Variants in RSF1 observed in about 807,000 individuals in gnomAD.
RSF1 encodes the protein HBV pX-associated protein 8.
RSF1 carries 13 observed loss-of-function variants against 145.2 expected under a neutral mutation model. The observed-to-expected ratio is 0.09, with a 90% CI of 0.06 to 0.14. The LOEUF is 0.14. Among genes scored for constraint, RSF1 ranks in the 10% least tolerant of loss-of-function variants. RSF1 has a pLI of 1.00. For synonymous variants in RSF1, 577 were observed against 592.6 expected (o/e 0.97, Z 0.38); for missense variants, 1,517 against 1,718.2 (o/e 0.88, Z 2.07).
At chr11:77,779,705 T>A (rs1444924125) in intron 1 of RSF1, among the ~76,000 whole-genome samples, 1 of 152,194 alleles carries the variant, frequency 6.6e-6, no homozygotes, top group South Asian at 2.1e-4. Flanking sequence ...GCTGCTTAAA[T>A]ATACTATTGT....
At chr11:77,713,687 A>G (rs575990638) in intron 5 of RSF1, among the ~76,000 whole-genome samples, 2 of 152,034 alleles carry the variant, frequency 1.3e-5, no homozygotes, top group East Asian at 1.9e-4. Context: ...CTTATATCCT[A>G]TGTTTCTTTT....
chr11:77,674,322 G>A (rs1477508248), intron 14 of RSF1, among the ~76,000 whole-genome samples: 6 of 152,210 alleles, frequency 3.9e-5, no homozygotes, highest in Non-Finnish European at 8.8e-5. Flanking sequence ...TCTTGTAGCG[G>A]TTGAGCCTCT....
chr11:77,697,934 G>A (rs1015004234), intron 7 of RSF1, among the ~76,000 whole-genome samples: 9 of 152,128 alleles, frequency 5.9e-5, no homozygotes, highest in East Asian at 1.9e-4. Flanking sequence ...TAGGAAGGCA[G>A]TAAGGCCTTC....
chr11:77,682,611 A>C (rs1959893223), intron 11 of RSF1, among the ~76,000 whole-genome samples: 1 of 152,184 alleles, frequency 6.6e-6, no homozygotes. Flanking sequence ...TTCTTTCACT[A>C]GGTACTTATG....
At chr11:77,747,532 C>T (rs1328991809) in intron 2 of RSF1, among the ~76,000 whole-genome samples, 1 of 152,226 alleles carries the variant, frequency 6.6e-6, no homozygotes, top group East Asian at 1.9e-4. Flanking sequence ...TCTACACATA[C>T]TTTTAACCAC....
At chr11:77,688,730 A>C (rs1347282234) in intron 9 of RSF1, among the ~76,000 whole-genome samples, 1 of 152,186 alleles carries the variant, frequency 6.6e-6, no homozygotes, top group African/African-American at 2.4e-5. Context: ...TTCCAAGACC[A>C]GCCTGGGCAA....
chr11:77,744,816 A>G (rs1947982168), intron 3 of RSF1, among the ~76,000 whole-genome samples: 1 of 152,200 alleles, frequency 6.6e-6, no homozygotes, highest in Admixed American at 6.5e-5. Context: ...TGGCCTTCTA[A>G]AATTAGTCTG....
intron 1 of RSF1, among the ~76,000 whole-genome samples, chr11:77,791,368 C>T (rs969504893): frequency 6.6e-6 from 1 of 152,206 alleles, no homozygotes; most frequent in East Asian, 1.9e-4. Flanking sequence ...GGACTCTGGG[C>T]CAGTGCTGGG....
chr11:77,846,234 T>TAA, the RSF1 span, among the ~76,000 whole-genome samples: 1 of 152,224 alleles, frequency 6.6e-6, no homozygotes, highest in African/African-American at 2.4e-5. Context: ...TGGAATCAGA[T>TAA]GTTTAGATTT....
At chr11:77,709,257 A>G (rs1960623197) in intron 5 of RSF1, among the ~76,000 whole-genome samples, 1 of 151,980 alleles carries the variant, frequency 6.6e-6, no homozygotes, top group Admixed American at 6.6e-5. Context: ...TCCCCAAATT[A>G]TTTTCCTTCC....
intron 8 of RSF1, among the ~76,000 whole-genome samples, chr11:77,692,735 T>C (rs1394967195): frequency 2.0e-5 from 3 of 150,184 alleles, no homozygotes; most frequent in African/African-American, 7.3e-5. Flanking sequence ...TGGAGTACAA[T>C]GGCGTGATCT....
chr11:77,705,069 G>GA (rs909948969), intron 5 of RSF1, among the ~76,000 whole-genome samples: 1 of 151,972 alleles, frequency 6.6e-6, no homozygotes, highest in Non-Finnish European at 1.5e-5. Context: ...TCTTTTAAGA[G>GA]AAAAAAATGA....
rs369065069 is a variant in RSF1, at chr11:77,712,720, T to C, written c.734-10225A>G. Reference sequence around the variant, plus strand: ...CATTACATCTACATGTTTTAACTTATGTTCACTTGCAGGGAAAAGCTGCCC... The same window carrying C: ...CATTACATCTACATGTTTTAACTTACGTTCACTTGCAGGGAAAAGCTGCCC... On this transcript the variant is annotated intron_variant, in intron 5 of 15. Transcript: ENST00000308488. Among the ~76,000 whole-genome samples, 293 of 152,366 alleles carry C rather than the reference T, an allele frequency of 1.9e-3. 4 individuals are homozygous for C. The highest frequency in any genetic ancestry group is 6.8e-3 in the African/African-American group (281 of 41,590).
At chr11:77,779,523 C>T (rs1358252075) in intron 1 of RSF1, among the ~76,000 whole-genome samples, 1 of 151,988 alleles carries the variant, frequency 6.6e-6, no homozygotes, top group Non-Finnish European at 1.5e-5. Context: ...GCTGGGATTA[C>T]AGGCATGCGC....
chr11:77,767,833 C>T (rs1194068174), intron 1 of RSF1, among the ~76,000 whole-genome samples: 1 of 152,134 alleles, frequency 6.6e-6, no homozygotes, highest in Non-Finnish European at 1.5e-5. Context: ...TTCTATGCTA[C>T]ACAGAATCAT....
the RSF1 span, among the ~76,000 whole-genome samples, chr11:77,840,250 A>G: frequency 6.6e-6 from 1 of 152,268 alleles, no homozygotes; most frequent in East Asian, 1.9e-4. Flanking sequence ...AATTAAAAGT[A>G]TCTTTAAGTG....
chr11:77,730,841 T>C (rs1394158198), intron 4 of RSF1, among the ~76,000 whole-genome samples: 1 of 152,238 alleles, frequency 6.6e-6, no homozygotes, highest in Non-Finnish European at 1.5e-5. Flanking sequence ...CCTTCTGCCA[T>C]GATTTTGATG....
chr11:77,732,156 TGA>T (rs1961222466), intron 4 of RSF1, among the ~76,000 whole-genome samples: 1 of 152,234 alleles, frequency 6.6e-6, no homozygotes, highest in Non-Finnish European at 1.5e-5. Flanking sequence ...GACCCAGATG[TGA>T]GACAGTCAAA....
At chr11:77,703,891 T>C (rs191042528) in intron 5 of RSF1, among the ~76,000 whole-genome samples, 190 of 152,370 alleles carry the variant, frequency 1.2e-3, no homozygotes, top group African/African-American at 4.3e-3. Context: ...TTCCCACTGA[T>C]AAAACAGGTT....
Sources: gnomAD v4.1 joint callset for allele counts (sites outside exome capture counted in the v4.1 genomes callset) on GRCh38, gnomAD v4.1.1 for gene constraint, MANE v1.5 for transcripts, NCBI Gene and HGNC (gene_info 2026-07-23, HGNC 2026-07-21) for gene names.